Variants in PHLPP1 observed in about 807,000 individuals in gnomAD.
PHLPP1 encodes the protein PH domain leucine-rich repeat-containing protein phosphatase 1.
A neutral mutation model predicts 117.2 loss-of-function variants in PHLPP1; 42 were observed. The observed-to-expected ratio is 0.36, with a 90% CI of 0.28 to 0.46. The LOEUF (loss-of-function observed/expected upper bound fraction) is 0.46. PHLPP1 is among the 20% of genes least tolerant of loss of function. PHLPP1 has a pLI of 1.00. For missense variants in PHLPP1, 2,084 were observed against 2,241.9 expected (o/e 0.93, Z 1.42); for synonymous variants, 1,042 against 970.7 (o/e 1.07, Z -1.37).
At chr18:62,944,063 T>TG (rs1910207221) in intron 11 of PHLPP1, among the ~76,000 whole-genome samples, 1 of 149,684 alleles carries the variant, frequency 6.7e-6, no homozygotes, top group Non-Finnish European at 1.5e-5. Flanking sequence ...AATAATACAG[T>TG]GGTTTTTTTT....
intron 8 of PHLPP1, among the ~76,000 whole-genome samples, chr18:62,913,650 T>C (rs1163061813): frequency 6.6e-6 from 1 of 151,766 alleles, no homozygotes; most frequent in African/African-American, 2.4e-5. Flanking sequence ...CCAGTGTGAC[T>C]AGGGACACAT....
intron 4 of PHLPP1, among the ~76,000 whole-genome samples, chr18:62,863,781 C>G (rs1296468585): frequency 2.6e-5 from 4 of 152,036 alleles, no homozygotes; most frequent in Non-Finnish European, 2.9e-5. Flanking sequence ...TTTTGGCCAG[C>G]TTCTTTACCG....
At chr18:62,888,707 A>T (rs569907673) in intron 4 of PHLPP1, among the ~76,000 whole-genome samples, 5 of 152,274 alleles carry the variant, frequency 3.3e-5, no homozygotes, top group African/African-American at 9.6e-5. Flanking sequence ...AAAATAATGA[A>T]TGAATGAATT....
chr18:62,957,211 C>T (rs920132382), intron 12 of PHLPP1, among the ~76,000 whole-genome samples: 6 of 152,334 alleles, frequency 3.9e-5, no homozygotes, highest in Non-Finnish European at 7.3e-5. Context: ...GCTGAGCCTT[C>T]TCCACCTAGG....
chr18:62,857,531 C>G (rs904821094), intron 3 of PHLPP1, among the ~76,000 whole-genome samples: 2 of 152,150 alleles, frequency 1.3e-5, no homozygotes, highest in Admixed American at 1.3e-4. Context: ...TTGCTCAGAC[C>G]TGGAGTGCAT....
Position 62,959,531 on chromosome 18 carries a change from G to A in PHLPP1, c.3455+772G>A, listed in dbSNP as rs550188298. Among the ~76,000 whole-genome samples the A allele has an allele frequency of 1.2e-4, 18 of 152,232 alleles. No homozygotes were observed. In the South Asian group the frequency reaches 2.5e-3, roughly 21 times the overall value. ...TCTCTGGATAATAGTATTATGGGTA[G>A]TGTTTATTTTCTTCTTTAAACTTTT... is the stretch of plus-strand genomic sequence containing the variant. On this transcript the variant is annotated intron_variant, in intron 13 of 16. Transcript: ENST00000262719.
At chr18:62,948,745 A>G (rs1910369353) in intron 12 of PHLPP1, among the ~76,000 whole-genome samples, 1 of 152,038 alleles carries the variant, frequency 6.6e-6, no homozygotes, top group Non-Finnish European at 1.5e-5. Context: ...TTTATGTACA[A>G]ACATGTAAAT....
intron 4 of PHLPP1, among the ~76,000 whole-genome samples, chr18:62,891,854 C>T (rs1297625479): frequency 7.7e-6 from 1 of 129,204 alleles, no homozygotes; most frequent in Non-Finnish European, 1.5e-5. Context: ...GATCCCACCA[C>T]TGCATTCCAG....
chr18:62,970,823 A>G (rs1911030605), intron 14 of PHLPP1, among the ~76,000 whole-genome samples: 1 of 152,182 alleles, frequency 6.6e-6, no homozygotes, highest in Admixed American at 6.5e-5. Flanking sequence ...GGCTGTCATT[A>G]TCGTTGTGCT....
chr18:62,979,414 T>TA lies in PHLPP1; in HGVS notation c.5138dup (p.Tyr1713Ter), dbSNP rs1175619983. 1.3e-6 allele frequency: 2 copies of TA among 1,551,366 alleles called. No homozygotes were observed. The highest frequency in any genetic ancestry group is 2.4e-5 in the South Asian group (2 of 84,038). ...HYQLDQLPDY[Y>*]DTPL ...CCAGCTGGACCAGCTGCCAGATTAT[T>TA]ACGACACGCCACTATGACCCAGCCG... is the stretch of plus-strand genomic sequence containing the variant. The change falls in exon 17 of 17, where the codon TAC (tyrosine) becomes TAAC (stop). Residue 1713 changes from tyrosine to a stop codon, truncating the protein, a stop_gained and frameshift_variant. Coordinates refer to ENST00000262719, the MANE Select transcript of PHLPP1 (RefSeq NM_194449.4). LOFTEE classifies it high-confidence loss of function.
intron 1 of PHLPP1, among the ~76,000 whole-genome samples, chr18:62,820,875 A>G (rs1008736586): frequency 6.6e-6 from 1 of 152,256 alleles, no homozygotes; most frequent in Non-Finnish European, 1.5e-5. Flanking sequence ...CAAGGCGAGA[A>G]CAAAATATTT....
chr18:62,716,832 A>C lies in PHLPP1; in HGVS notation c.1149A>C (p.Ala383=). Residue 383 remains alanine (A), a synonymous_variant, in exon 1 of 17, where the codon GCA becomes GCC. Transcript: ENST00000262719. This position sits in a 1 kb window ranked among gnomAD's most constrained non-coding sequence, Gnocchi z 5.7. ...CGTCGGAAGAGCTCGAGGCCGACGC[A>C]GCCTCGGCCCCGACGGGGGTCCCGG... ...SSSSEELEAD[A]ASAPTGVPGQ... 6.6e-7 allele frequency: 1 copy of C among 1,525,220 alleles called. No homozygotes were observed. Among genetic ancestry groups the C allele is most frequent in the Non-Finnish European group, 8.8e-7 (1 of 1,142,046 alleles). The allele number at this position is 1,525,220 out of a possible 1,614,324, so 94.5% of individuals were successfully genotyped here. A position where few individuals can be genotyped will look rare whatever the true frequency, so the allele number is the denominator to read the frequency against.
At chr18:62,863,099 A>C (rs1915672484) in intron 4 of PHLPP1, among the ~76,000 whole-genome samples, 1 of 151,660 alleles carries the variant, frequency 6.6e-6, no homozygotes, top group Admixed American at 6.6e-5. Flanking sequence ...AAGTAAAGGA[A>C]TAAAGAATGG....
chr18:62,928,929 T>C (rs1909726705), intron 10 of PHLPP1, among the ~76,000 whole-genome samples: 1 of 152,188 alleles, frequency 6.6e-6, no homozygotes, highest in African/African-American at 2.4e-5. Flanking sequence ...ATATGAAATA[T>C]TTGGATTTGG....
rs751791030 is a variant in PHLPP1 at position 62,978,909 on chromosome 18, C to G, written c.4632C>G (p.Gly1544=). The G allele has an allele frequency of 1.1e-5, 17 of 1,607,876 alleles. No homozygotes were observed. The highest frequency in any genetic ancestry group is 2.5e-6 in the Non-Finnish European group (3 of 1,177,314). Reference sequence around the variant, plus strand: ...TCTCTAGCGCCTTCTCCGACAACGGCCTTGACAGTGACGATGAGGAGCCCA... The same window carrying G: ...TCTCTAGCGCCTTCTCCGACAACGGGCTTGACAGTGACGATGAGGAGCCCA... ...ATFSSAFSDN[G]LDSDDEEPIE... The change falls in exon 17 of 17, where the codon GGC becomes GGG. Residue 1544 remains glycine, a synonymous_variant. Transcript: ENST00000262719. This position sits in a 1 kb window ranked among gnomAD's most constrained non-coding sequence, Gnocchi z 7.0.
intron 1 of PHLPP1, among the ~76,000 whole-genome samples, chr18:62,765,500 C>G (rs1179052917): frequency 6.6e-6 from 1 of 152,192 alleles, no homozygotes; most frequent in African/African-American, 2.4e-5. Flanking sequence ...TTTATTGGCT[C>G]TATAAGCCAT....
At chr18:62,790,284 G>A (rs12457020) in intron 1 of PHLPP1, among the ~76,000 whole-genome samples, 10,281 of 152,208 alleles carry the variant, frequency 0.068, 398 homozygotes, top group Middle Eastern at 0.088. Context: ...AATAAAACAC[G>A]TGGGAGGAGG....
intron 4 of PHLPP1, among the ~76,000 whole-genome samples, chr18:62,884,389 C>T (rs778837419): frequency 6.6e-6 from 1 of 152,166 alleles, no homozygotes; most frequent in Non-Finnish European, 1.5e-5. Flanking sequence ...TAGTTGGACT[C>T]ACTTTGTTAA....
chr18:62,839,173 TA>T, intron 3 of PHLPP1: 3 of 339,014 alleles, frequency 8.8e-6, no homozygotes, highest in South Asian at 5.5e-5. Context: ...ATGTTGTAGA[TA>T]AAAAACATGA....
Sources: gnomAD v4.1 joint callset for allele counts (sites outside exome capture counted in the v4.1 genomes callset) on GRCh38, gnomAD v4.1.1 for gene constraint, Gnocchi (gnomAD v3.1) non-coding constraint, MANE v1.5 for transcripts, NCBI Gene and HGNC (gene_info 2026-07-23, HGNC 2026-07-21) for gene names.